ZNF813: variants seen among roughly 807,000 people sequenced by gnomAD.
ZNF813 encodes zinc finger protein 813.
Under a neutral mutation model 7.2 loss-of-function variants are expected in ZNF813, and 3 were observed. The ratio of observed to expected loss-of-function variants is 0.42; its 90% CI spans 0.19 to 1.08. ZNF813 has a LOEUF of 1.08. Ranked by LOEUF, ZNF813 falls within the 50% of genes least tolerant of loss-of-function variation. The probability of loss-of-function intolerance (pLI) is 0.30; values close to 1 mark genes in which losing one functional copy is unlikely to be tolerated. For missense variants in ZNF813, 714 were observed against 753.3 expected, an observed-to-expected ratio of 0.95 and a Z score of 0.61; for synonymous variants, 227 against 256.3, an observed-to-expected ratio of 0.89 and a Z score of 1.09.
At position 53,488,828 on chromosome 19, in the gene ZNF813, A is replaced by G. The variant is rs548540784; in HGVS notation, c.143-1547A>G. Among the ~76,000 whole-genome samples, 3 of 152,284 alleles carry G rather than the reference A, an allele frequency of 2.0e-5. No individual in the cohort carries two copies. In the South Asian group the frequency reaches 6.2e-4, roughly 32 times the overall value. On this transcript the variant is annotated intron_variant, in intron 3 of 3. Transcript: ENST00000396403. ...TTCTTATATTGTGTTCTGGTGGTAT[A>G]TAGAAGTTGTGGCTTTTTTCTTAAC...
intron 2 of ZNF813, among the ~76,000 whole-genome samples, chr19:53,485,764 A>T (rs1319984547): frequency 6.6e-6 from 1 of 152,144 alleles, no homozygotes; most frequent in African/African-American, 2.4e-5. Flanking sequence ...GCTGGAGCAC[A>T]GTGGCGTGAT....
chr19:53,482,706 C>CTTTT (rs1568830690), intron 1 of ZNF813, among the ~76,000 whole-genome samples: 12 of 91,488 alleles, frequency 1.3e-4, no homozygotes, highest in African/African-American at 2.3e-4. Flanking sequence ...ATCAGGAATG[C>CTTTT]TTTTTGTTTT....
In ZNF813 at chr19:53,480,285, C is replaced by T. The variant is rs1395721634; in HGVS notation, c.-73-3465C>T. 3.4e-5 allele frequency: 25 copies of T among 729,296 alleles called. 1 individual carries two copies. The East Asian group carries it at 6.5e-4, about 19-fold the overall frequency. The allele number at this position is 729,296 out of a possible 1,614,324, so 45.2% of individuals were successfully genotyped here. Reference sequence around the variant, plus strand: ...CCTCTTCCTGGAGATTCCAGCTGGGCTAGAGGCTGAGAACCTTTGCAAACA... The same window carrying T: ...CCTCTTCCTGGAGATTCCAGCTGGGTTAGAGGCTGAGAACCTTTGCAAACA... On this transcript the variant is annotated intron_variant, in intron 1 of 3. Coordinates refer to ENST00000396403, the MANE Select transcript of ZNF813 (RefSeq NM_001004301.4).
intron 1 of ZNF813, among the ~76,000 whole-genome samples, chr19:53,470,349 A>G (rs564598108): frequency 6.9e-6 from 1 of 145,768 alleles, no homozygotes; most frequent in African/African-American, 2.6e-5. Context: ...CTTTTCTTGG[A>G]GTGAATGAAT....
intron 1 of ZNF813, among the ~76,000 whole-genome samples, chr19:53,472,297 A>C (rs747730145): frequency 1.2e-4 from 18 of 152,174 alleles, no homozygotes; most frequent in Non-Finnish European, 2.2e-4. Flanking sequence ...AATACTGAGA[A>C]TCTTTTTCTG....
At chr19:53,472,337 A>G (rs770663697) in intron 1 of ZNF813, among the ~76,000 whole-genome samples, 4 of 152,182 alleles carry the variant, frequency 2.6e-5, no homozygotes, top group Non-Finnish European at 5.9e-5. Flanking sequence ...GCATGCATAC[A>G]TATTTGTAGT....
intron 1 of ZNF813, among the ~76,000 whole-genome samples, chr19:53,482,755 A>C (rs1600111906): frequency 3.4e-5 from 4 of 117,392 alleles, no homozygotes; most frequent in African/African-American, 3.4e-5. Flanking sequence ...ACAGAATCTC[A>C]CTCTATTGCC....
intron 1 of ZNF813, among the ~76,000 whole-genome samples, chr19:53,481,923 C>A (rs560651446): frequency 2.0e-5 from 3 of 152,018 alleles, no homozygotes; most frequent in African/African-American, 7.2e-5. Flanking sequence ...ATTTCCAGGC[C>A]CCAATGTAAG....
chr19:53,473,454 A>G (rs2086368764), intron 1 of ZNF813, among the ~76,000 whole-genome samples: 1 of 152,232 alleles, frequency 6.6e-6, no homozygotes, highest in Non-Finnish European at 1.5e-5. Context: ...GTCTCATCTC[A>G]GGATCAGCTG....
At chr19:53,479,188 G>GC (rs1183189459) in intron 1 of ZNF813, among the ~76,000 whole-genome samples, 3 of 152,124 alleles carry the variant, frequency 2.0e-5, no homozygotes, top group African/African-American at 4.8e-5. Flanking sequence ...ACTTGCTTCG[G>GC]CCCCCCAAAG....
intron 3 of ZNF813, among the ~76,000 whole-genome samples, chr19:53,490,167 A>T (rs1173166649): frequency 6.6e-6 from 1 of 152,194 alleles, no homozygotes; most frequent in Non-Finnish European, 1.5e-5. Context: ...TTTTGTCGTG[A>T]TATTGGAAAT....
intron 1 of ZNF813, among the ~76,000 whole-genome samples, chr19:53,478,394 A>C (rs556196434): frequency 2.0e-5 from 3 of 152,170 alleles, no homozygotes; most frequent in East Asian, 3.9e-4. Context: ...CTGGTCTCAA[A>C]ATCCTGAGCT....
In ZNF813 at chr19:53,493,860, T is replaced by C. The variant is rs2708840; in HGVS notation, c.*1774T>C. 120,098 of 152,298 alleles carry C rather than the reference T, an allele frequency of 0.79. 47,931 individuals carry two copies. The highest frequency in any genetic ancestry group is 0.92 in the African/African-American group (38,114 of 41,544). 9.4% of individuals were successfully genotyped at this position (152,298 alleles called of 1,614,324 possible). A position where few individuals can be genotyped will look rare whatever the true frequency, so the allele number is the denominator to read the frequency against. On this transcript the variant is annotated 3_prime_UTR_variant, in exon 4 of 4. Transcript: ENST00000396403. ...AAGGGGTGAGAGCATTCTTCCATCA[T>C]GTGAGATCCTACAGGAAAATCATTC...
chr19:53,486,992 T>TTA (rs1568832603), intron 3 of ZNF813, among the ~76,000 whole-genome samples: 2 of 90,574 alleles, frequency 2.2e-5, no homozygotes, highest in South Asian at 3.5e-4. Flanking sequence ...TTTTTTTTTT[T>TTA]TTTTTTTTTT....
At chr19:53,482,706 CTTTTTGTTTTTTTTT>C (rs1487593945) in intron 1 of ZNF813, among the ~76,000 whole-genome samples, 126 of 91,500 alleles carry the variant, frequency 1.4e-3, no homozygotes, top group African/African-American at 4.5e-3. Context: ...ATCAGGAATG[CTTTTTGTTTTTTTTT>C]TTTTTTTTTT....
At chr19:53,478,050 A>G (rs865819708) in intron 1 of ZNF813, among the ~76,000 whole-genome samples, 22 of 152,212 alleles carry the variant, frequency 1.4e-4, no homozygotes, top group East Asian at 1.9e-4. Flanking sequence ...TCAGCCAGAG[A>G]GCAGTGACTT....
rs556797172 is a variant in ZNF813 at position 53,485,132 on chromosome 19, A to G, written c.15+1295A>G. 1.6e-4 allele frequency among the ~76,000 whole-genome samples: 25 copies of G among 152,334 alleles called. No homozygotes were observed. The South Asian group carries it at 2.9e-3, about 18-fold the overall frequency. ...AAAAATTCTGCTGTAAATTAAAAAA[A>G]AATACTTTTTTGCAAAAATTAGCTG... On this transcript the variant is annotated intron_variant, in intron 2 of 3. Coordinates refer to ENST00000396403, the MANE Select transcript of ZNF813 (RefSeq NM_001004301.4).
intron 1 of ZNF813, among the ~76,000 whole-genome samples, chr19:53,470,239 C>T (rs540827419): frequency 2.0e-4 from 30 of 152,106 alleles, no homozygotes; most frequent in Non-Finnish European, 2.6e-4. Flanking sequence ...CCTTTGGCTT[C>T]GACTTCGCAA....
chr19:53,490,292 A>AT (rs200492660), intron 3 of ZNF813, 83 bp from the exon 4 acceptor site: 1 of 1,297,850 alleles, frequency 7.7e-7, no homozygotes, highest in Non-Finnish European at 1.0e-6. Context: ...TAAAATGAGT[A>AT]TTTTTTGTGT....
Sources: allele counts gnomAD v4.1 joint callset (sites outside exome capture counted in the v4.1 genomes callset), GRCh38; gene constraint gnomAD v4.1.1; transcripts MANE v1.5; gene names NCBI Gene and HGNC (gene_info 2026-07-23, HGNC 2026-07-21).